Variants in C2CD3 observed in about 807,000 individuals in gnomAD.
C2CD3 encodes C2 domain-containing protein 3.
Under a neutral mutation model 234.0 loss-of-function variants are expected in C2CD3, and 148 were observed. That is an observed-to-expected ratio of 0.63 (90% CI 0.55 to 0.72). The LOEUF is 0.72. Ranked by LOEUF, C2CD3 falls within the 30% of genes least tolerant of loss-of-function variation. C2CD3 has a pLI of 0.00. For synonymous variants in C2CD3, 1,000 were observed against 1,035.4 expected, an observed-to-expected ratio of 0.97 and a Z score of 0.66; for missense variants, 2,577 against 2,811.5, an observed-to-expected ratio of 0.92 and a Z score of 1.89.
chr11:74,059,144 A>G (rs1409301444), intron 24 of C2CD3, among the ~76,000 whole-genome samples: 1 of 152,200 alleles, frequency 6.6e-6, no homozygotes, highest in Non-Finnish European at 1.5e-5. Context: ...GACATGCTCC[A>G]GGGAACAGAT....
In C2CD3 at chr11:74,168,448, A is replaced by C. The variant is rs948244936; in HGVS notation, c.221T>G (p.Leu74Arg). ...CTGCAATGCATCCCTGGGACAAAAG[A>C]GGGTTCCATCTGATGTTTCTCCCCA... Reference protein sequence around the residue: ...RWWGETSDGTLFCPRDALQTE... With the variant: ...RWWGETSDGTRFCPRDALQTE... Residue 74 changes from leucine to arginine, a missense_variant, in exon 2 of 33, where the codon CTC becomes CGC. By Grantham distance (102) the Leu-to-Arg change is moderately radical. Coordinates refer to ENST00000334126, the MANE Select transcript of C2CD3 (RefSeq NM_001286577.2). 3.7e-6 allele frequency: 6 copies of C among 1,614,064 alleles called. No homozygotes were observed. Among genetic ancestry groups the C allele is most frequent in the Non-Finnish European group, 5.1e-6 (6 of 1,179,998 alleles).
At chr11:74,170,173 C>G (rs532994495) in intron 1 of C2CD3, among the ~76,000 whole-genome samples, 3 of 152,118 alleles carry the variant, frequency 2.0e-5, no homozygotes, top group Admixed American at 1.3e-4. Flanking sequence ...ATGCCCTTAC[C>G]CCCACTCCAA....
At chr11:74,075,577 G>C (rs115063721) in intron 23 of C2CD3, among the ~76,000 whole-genome samples, 70 of 152,128 alleles carry the variant, frequency 4.6e-4, no homozygotes, top group African/African-American at 1.5e-3. Context: ...AAAACAGAAG[G>C]AACTAATAGT....
intron 28 of C2CD3, among the ~76,000 whole-genome samples, chr11:74,047,602 G>A (rs769426891): frequency 1.4e-4 from 22 of 152,194 alleles, no homozygotes; most frequent in Non-Finnish European, 3.2e-4. Flanking sequence ...GGTCTGCTCA[G>A]TAACTGCTCT....
In C2CD3 at chr11:74,098,068, G is replaced by C; in HGVS notation, c.2920C>G (p.Pro974Ala). Residue 974 changes from proline to alanine, a missense_variant, in exon 16 of 33, where the codon CCC (proline) becomes GCC (alanine). Transcript: ENST00000334126. Reference sequence around the variant, plus strand: ...AAATGGGCTGGCCTAGGGCTGAAGGGAGGGAGTGTTCCTTCTTCATTCTTT... The same window carrying C: ...AAATGGGCTGGCCTAGGGCTGAAGGCAGGGAGTGTTCCTTCTTCATTCTTT... Reference protein sequence around the residue: ...RLKNEEGTLPPFSPRPAHFLD... With the variant: ...RLKNEEGTLPAFSPRPAHFLD... The C allele has an allele frequency of 6.2e-7, 1 of 1,613,122 alleles. No individual in the cohort carries two copies. Among genetic ancestry groups the C allele is most frequent in the Non-Finnish European group, 8.5e-7 (1 of 1,179,030 alleles).
intron 3 of C2CD3, among the ~76,000 whole-genome samples, chr11:74,143,883 G>A (rs1473997163): frequency 6.6e-6 from 1 of 151,996 alleles, no homozygotes; most frequent in Non-Finnish European, 1.5e-5. Context: ...AAGGTTTTAA[G>A]CTAAAAATTA....
In C2CD3 at chr11:74,103,253, C is replaced by G; in HGVS notation, c.2458G>C (p.Gly820Arg). 1 of 1,614,148 alleles carries G rather than the reference C, an allele frequency of 6.2e-7. No homozygotes were observed. The highest frequency in any genetic ancestry group is 8.5e-7 in the Non-Finnish European group (1 of 1,180,002). The change falls in exon 14 of 33, where the codon GGA becomes CGA. Residue 820 changes from glycine to arginine, a missense_variant. Transcript: ENST00000334126. ...MVPDGKDFIS[G>R]ESEKQSPCNV... Reference sequence around the variant, plus strand: ...CATGGTGATTGTTTCTCAGATTCTCCACTAATAAAATCTTTCCCATCTGGC... The same window carrying G: ...CATGGTGATTGTTTCTCAGATTCTCGACTAATAAAATCTTTCCCATCTGGC...
At chr11:74,085,516 C>T in intron 21 of C2CD3, 102 bp downstream of exon 21, 1 of 1,182,934 alleles carries the variant, frequency 8.5e-7, no homozygotes, top group Admixed American at 2.2e-5. Context: ...GATTATGACT[C>T]CTCACCTTTA....
chr11:74,077,797 A>G (rs187511994), intron 23 of C2CD3, among the ~76,000 whole-genome samples: 794 of 9,922 alleles, frequency 0.08, 56 homozygotes, highest in African/African-American at 0.22. Context: ...ATATATATAT[A>G]TATATATATA....
At chr11:74,163,515 C>G (rs1016077538) in intron 2 of C2CD3, among the ~76,000 whole-genome samples, 1 of 152,164 alleles carries the variant, frequency 6.6e-6, no homozygotes, top group South Asian at 2.1e-4. Flanking sequence ...GTGCGGTTCT[C>G]CTTATCCTGT....
At chr11:74,109,653 A>G (rs2135504516) in intron 11 of C2CD3, among the ~76,000 whole-genome samples, 1 of 152,324 alleles carries the variant, frequency 6.6e-6, no homozygotes, top group East Asian at 1.9e-4. Context: ...TAGTAGTGTC[A>G]GGCAAAGGAG....
rs147243933 is a variant in C2CD3, at chr11:74,050,046, T to C, written c.5156-504A>G. 3.8e-3 allele frequency among the ~76,000 whole-genome samples: 583 copies of C among 152,244 alleles called. 3 individuals carry two copies. Among genetic ancestry groups the C allele is most frequent in the Middle Eastern group, 0.027 (8 of 294 alleles). On this transcript the variant is annotated intron_variant, in intron 26 of 32. Coordinates refer to ENST00000334126, the MANE Select transcript of C2CD3 (RefSeq NM_001286577.2). The stretch of plus-strand genomic sequence containing the variant: ...CCTCCTGCATTGGCCTCCCAAAGTG[T>C]TGGGATTACACATGTAAGCCACCCC...
intron 20 of C2CD3, among the ~76,000 whole-genome samples, chr11:74,090,507 A>G (rs1955847795): frequency 6.6e-6 from 1 of 152,176 alleles, no homozygotes. Context: ...GTGAGATTAC[A>G]CAGGAGTTGC....
chr11:74,152,111 A>G (rs1855705310), intron 3 of C2CD3, among the ~76,000 whole-genome samples: 1 of 152,212 alleles, frequency 6.6e-6, no homozygotes, highest in Non-Finnish European at 1.5e-5. Context: ...TCATGAAATC[A>G]CATGCTGGCT....
chr11:74,083,809 A>C (rs1955509094), intron 22 of C2CD3, among the ~76,000 whole-genome samples: 1 of 152,156 alleles, frequency 6.6e-6, no homozygotes. Flanking sequence ...GCTGGAGAGG[A>C]TGTGGAGAAA....
At chr11:74,028,976 T>C (rs1436600841) in intron 31 of C2CD3, among the ~76,000 whole-genome samples, 1 of 152,236 alleles carries the variant, frequency 6.6e-6, no homozygotes, top group Non-Finnish European at 1.5e-5. Flanking sequence ...TTGCCTATTT[T>C]CTCTGCTCAC....
chr11:74,149,509 T>C (rs1214242767), intron 3 of C2CD3, among the ~76,000 whole-genome samples: 1 of 152,034 alleles, frequency 6.6e-6, no homozygotes, highest in Non-Finnish European at 1.5e-5. Flanking sequence ...TGTGTTTTTA[T>C]TGTTCTTATT....
In C2CD3 at chr11:74,085,890, T is replaced by C. The variant is rs188766066; in HGVS notation, c.3642-4A>G. The C allele has an allele frequency of 3.6e-4, 573 of 1,607,136 alleles. 2 individuals are homozygous for C. The African/African-American group carries it at 6.5e-3, about 18-fold the overall frequency. ...GGGTTCCCGTTCAGCCAAAGCCCTG[T>C]AGAGGAGAAGGGTGGAAATGAGAAG... On this transcript the variant is annotated splice_region_variant and splice_polypyrimidine_tract_variant and intron_variant, in intron 20 of 32. Transcript: ENST00000334126.
chr11:74,133,725 G>C, intron 5 of C2CD3, 168 bp from the exon 6 acceptor site: 1 of 651,662 alleles, frequency 1.5e-6, no homozygotes, highest in Non-Finnish European at 2.6e-6. Context: ...TTACGCAAAA[G>C]AGATGTTTAC....
Sources: allele counts gnomAD v4.1 joint callset (sites outside exome capture counted in the v4.1 genomes callset), GRCh38; gene constraint gnomAD v4.1.1; transcripts MANE v1.5; gene names NCBI Gene and HGNC (gene_info 2026-07-23, HGNC 2026-07-21).